The following STMN2 variants were observed in gnomAD, a reference collection of about 807,000 sequenced individuals.
The protein encoded by STMN2 is stathmin-2.
A neutral mutation model predicts 24.1 loss-of-function variants in STMN2; 2 were observed. That is an observed-to-expected ratio of 0.08 (90% confidence interval 0.03 to 0.26). The LOEUF (loss-of-function observed/expected upper bound fraction) is 0.26, where lower values mean the gene tolerates loss of function less well. Among genes scored for constraint, STMN2 ranks in the 10% least tolerant of loss-of-function variants. The pLI is 1.00. For missense variants in STMN2, 114 were observed against 213.6 expected (o/e 0.53, Z 2.91); for synonymous variants, 83 against 77.5 (o/e 1.07, Z -0.37).
At chr8:79,643,594 C>T (rs1810157625) in intron 3 of STMN2, among the ~76,000 whole-genome samples, 1 of 152,050 alleles carries the variant, frequency 6.6e-6, no homozygotes, top group African/African-American at 2.4e-5. Flanking sequence ...CTAGGTACTA[C>T]ACTTAATTTG....
chr8:79,611,379 A>T (rs1285298760), intron 1 of STMN2, among the ~76,000 whole-genome samples, 165 bp downstream of exon 1: 7 of 152,206 alleles, frequency 4.6e-5, no homozygotes, highest in Non-Finnish European at 8.8e-5. Flanking sequence ...GGGAGGGCAG[A>T]GAAGAGGTCT....
At chr8:79,636,994 T>C in intron 2 of STMN2, 97 bp downstream of exon 2, 1 of 1,124,656 alleles carries the variant, frequency 8.9e-7, no homozygotes, top group South Asian at 1.4e-5. Flanking sequence ...ATTACATCAA[T>C]ATTTTGTAGC....
At position 79,664,948 on chromosome 8, in the gene STMN2, A is replaced by G. The variant is rs934509879; in HGVS notation, c.*74A>G. 21 of 1,336,786 alleles carry G rather than the reference A, an allele frequency of 1.6e-5. No individual in the cohort carries two copies. Among genetic ancestry groups the G allele is most frequent in the Middle Eastern group, 1.9e-4 (1 of 5,294 alleles). 82.8% of individuals were successfully genotyped at this position (1,336,786 alleles called of 1,614,324 possible). On this transcript the variant is annotated 3_prime_UTR_variant, in exon 5 of 5. Transcript: ENST00000220876. Reference sequence around the variant, plus strand: ...ATATTATAATGGATCATGCGATATCAGGATGGGGAATGTATGACATGGTTT... The same window carrying G: ...ATATTATAATGGATCATGCGATATCGGGATGGGGAATGTATGACATGGTTT...
In STMN2 at chr8:79,665,926, A is replaced by C. The variant is rs892095573; in HGVS notation, c.*1052A>C. The C allele has an allele frequency of 6.6e-6, 1 of 152,192 alleles. No individual in the cohort carries two copies. Among genetic ancestry groups the C allele is most frequent in the Non-Finnish European group, 1.5e-5 (1 of 68,058 alleles). The allele number at this position is 152,192 out of a possible 1,614,324, so 9.4% of individuals were successfully genotyped here. ...TGCCTACTAACAACACCAACAACAA[A>C]ACACTCCATCTGTGAAGCTGACGCA... On this transcript the variant is annotated 3_prime_UTR_variant, in exon 5 of 5. Transcript: ENST00000220876.
intron 1 of STMN2, among the ~76,000 whole-genome samples, chr8:79,615,560 G>T (rs764844174): frequency 5.3e-5 from 8 of 152,148 alleles, no homozygotes; most frequent in Non-Finnish European, 1.2e-4. Flanking sequence ...AACCTAGACT[G>T]GTTCTGTCCA....
intron 4 of STMN2, among the ~76,000 whole-genome samples, chr8:79,656,060 G>A (rs112345460): frequency 6.6e-6 from 1 of 152,132 alleles, no homozygotes; most frequent in African/African-American, 2.4e-5. Context: ...CTCATCTAAG[G>A]TTCAAAAAAC....
chr8:79,652,191 G>A (rs994033951), intron 3 of STMN2, among the ~76,000 whole-genome samples: 9 of 152,286 alleles, frequency 5.9e-5, no homozygotes, highest in African/African-American at 2.2e-4. Context: ...TTTGTCTCCT[G>A]GAGCATCCTC....
In STMN2 at chr8:79,641,419, G is replaced by T; in HGVS notation, c.157G>T (p.Ala53Ser). The T allele has an allele frequency of 1.9e-6, 3 of 1,614,000 alleles. No homozygotes were observed. Among genetic ancestry groups the T allele is most frequent in the Non-Finnish European group, 2.5e-6 (3 of 1,179,974 alleles). Reference protein sequence around the residue: ...KQINKRASGQAFELILKPPSP... With the variant: ...KQINKRASGQSFELILKPPSP... The stretch of plus-strand genomic sequence containing the variant: ...AATCAACAAACGTGCCTCTGGCCAG[G>T]CTTTTGAGCTGATCTTGAAGCCACC... The change falls in exon 3 of 5, where the codon GCT (alanine) becomes TCT (serine). Residue 53 changes from alanine to serine, a missense_variant. By Grantham distance (99) the Ala-to-Ser change is moderately conservative. Coordinates refer to ENST00000220876, the MANE Select transcript of STMN2 (RefSeq NM_007029.4).
chr8:79,641,564 T>A lies in STMN2; in HGVS notation c.288+14T>A. 6.2e-7 allele frequency: 1 copy of A among 1,609,648 alleles called. No homozygotes were observed. The highest frequency in any genetic ancestry group is 8.5e-7 in the Non-Finnish European group (1 of 1,178,394). ...GAAAGAAGAAAGGTAACTTTTTCCA[T>A]AGGTTTTCCTTCTCTCTCTCCCTCC... On this transcript the variant is annotated intron_variant, in intron 3 of 4. Transcript: ENST00000220876.
intron 3 of STMN2, among the ~76,000 whole-genome samples, chr8:79,644,574 G>C (rs1276329420): frequency 2.6e-5 from 4 of 152,146 alleles, no homozygotes; most frequent in Non-Finnish European, 5.9e-5. Flanking sequence ...AAGGATTTTA[G>C]GTAAGATCCC....
intron 1 of STMN2, among the ~76,000 whole-genome samples, chr8:79,628,311 G>A (rs1236658112): frequency 1.3e-5 from 2 of 151,842 alleles, no homozygotes; most frequent in African/African-American, 2.4e-5. Flanking sequence ...TTACAGGCAC[G>A]CACCACCATG....
At chr8:79,611,574 C>CT (rs3079991) in intron 1 of STMN2, among the ~76,000 whole-genome samples, 11,548 of 148,182 alleles carry the variant, frequency 0.078, 535 homozygotes, top group East Asian at 0.21. Flanking sequence ...TTATAACGAC[C>CT]TTTTTTTTTT....
rs983466119 is a variant in STMN2 at position 79,659,560 on chromosome 8, G to A, written c.480+4498G>A. Among the ~76,000 whole-genome samples, 5 of 152,200 alleles carry A rather than the reference G, an allele frequency of 3.3e-5. No individual in the cohort carries two copies. In the South Asian group the frequency reaches 8.3e-4, roughly 25 times the overall value. On this transcript the variant is annotated intron_variant, in intron 4 of 4. Transcript: ENST00000220876. ...TTTAGAAACCCTGAGTAGTAGGAGC[G>A]CCAAATGACCCAATCAAGAATTGCA...
chr8:79,641,679 G>A, intron 3 of STMN2, 129 bp downstream of exon 3: 1 of 681,170 alleles, frequency 1.5e-6, no homozygotes, highest in Non-Finnish European at 2.2e-6. Flanking sequence ...CACATACAGA[G>A]AGCAATGACA....
chr8:79,611,226 C>T lies in STMN2; in HGVS notation c.19+12C>T, dbSNP rs115769533. On this transcript the variant is annotated intron_variant, in intron 1 of 4. Coordinates refer to ENST00000220876, the MANE Select transcript of STMN2 (RefSeq NM_007029.4). ...TAAAACAGCAATGGGTAAGGCACTG[C>T]GCCTCGTTCTCCGTCGGCTCTACCT... 2 of 1,613,984 alleles carry T rather than the reference C, an allele frequency of 1.2e-6. No homozygotes were observed. Among genetic ancestry groups the T allele is most frequent in the African/African-American group, 2.7e-5 (2 of 75,046 alleles).
chr8:79,648,006 C>T (rs554275906), intron 3 of STMN2, among the ~76,000 whole-genome samples: 1 of 152,212 alleles, frequency 6.6e-6, no homozygotes, highest in Non-Finnish European at 1.5e-5. Flanking sequence ...TGTTTTGATA[C>T]CATTATTAAT....
In STMN2 at chr8:79,617,533, T is replaced by C. The variant is rs374836023; in HGVS notation, c.19+6319T>C. Among the ~76,000 whole-genome samples the C allele has an allele frequency of 5.9e-5, 9 of 152,352 alleles. No homozygotes were observed. In the East Asian group the frequency reaches 1.3e-3, roughly 23 times the overall value. Reference sequence around the variant, plus strand: ...GTTGTTAACAGTTCATTTCAGGGTCTCTCAGAAGCTGGGAAACTTTCCATT... The same window carrying C: ...GTTGTTAACAGTTCATTTCAGGGTCCCTCAGAAGCTGGGAAACTTTCCATT... On this transcript the variant is annotated intron_variant, in intron 1 of 4. Coordinates refer to ENST00000220876, the MANE Select transcript of STMN2 (RefSeq NM_007029.4).
chr8:79,640,977 C>G (rs1170206273), intron 2 of STMN2, among the ~76,000 whole-genome samples: 1 of 152,092 alleles, frequency 6.6e-6, no homozygotes, highest in Non-Finnish European at 1.5e-5. Flanking sequence ...CTCGTCTAAC[C>G]AAAAAGGGCC....
At chr8:79,639,682 A>T (rs1810047326) in intron 2 of STMN2, among the ~76,000 whole-genome samples, 1 of 152,230 alleles carries the variant, frequency 6.6e-6, no homozygotes, top group Non-Finnish European at 1.5e-5. Context: ...TAAGTGGCTA[A>T]CCATTCTTCA....
Sources: allele counts gnomAD v4.1 joint callset (sites outside exome capture counted in the v4.1 genomes callset), GRCh38; gene constraint gnomAD v4.1.1; transcripts MANE v1.5; gene names NCBI Gene and HGNC (gene_info 2026-07-23, HGNC 2026-07-21).